The following FCHSD2 variants were observed in gnomAD, a reference collection of about 807,000 sequenced individuals.
FCHSD2 encodes the protein F-BAR and double SH3 domains protein 2.
FCHSD2 carries 38 observed loss-of-function variants against 108.1 expected under a neutral mutation model. The observed-to-expected ratio is 0.35, with a 90% confidence interval of 0.27 to 0.46. The LOEUF (loss-of-function observed/expected upper bound fraction) is 0.46, where lower values mean the gene tolerates loss of function less well. Among genes scored for constraint, FCHSD2 ranks in the 20% least tolerant of loss-of-function variants. The pLI is 1.00. For missense variants in FCHSD2, 751 were observed against 897.8 expected (o/e 0.84, Z 2.09); for synonymous variants, 279 against 314.7 (o/e 0.89, Z 1.20).
At chr11:72,947,717 A>C (rs1015611457) in intron 8 of FCHSD2, among the ~76,000 whole-genome samples, 19 of 125,580 alleles carry the variant, frequency 1.5e-4, no homozygotes, top group Middle Eastern at 7.4e-3. Flanking sequence ...AGTGTGATAA[A>C]ATCATTAGTT....
intron 8 of FCHSD2, among the ~76,000 whole-genome samples, chr11:72,983,294 A>G (rs1453286759): frequency 7.7e-6 from 1 of 130,280 alleles, no homozygotes; most frequent in Non-Finnish European, 1.6e-5. Flanking sequence ...ACTCCGTCTC[A>G]AAAAAAAAAA....
chr11:73,140,851 C>CG (rs1861229476), intron 1 of FCHSD2, among the ~76,000 whole-genome samples: 1 of 152,196 alleles, frequency 6.6e-6, no homozygotes, highest in Non-Finnish European at 1.5e-5. Context: ...TCGAAGTTAA[C>CG]GGTCAGTCTG....
chr11:72,931,963 A>AT (rs1591409630), intron 8 of FCHSD2, among the ~76,000 whole-genome samples: 1 of 152,182 alleles, frequency 6.6e-6, no homozygotes, highest in East Asian at 1.9e-4. Context: ...TTGACCAGAC[A>AT]CTACTTCCCT....
Position 73,140,098 on chromosome 11 carries a change from G to C in FCHSD2, c.52C>G (p.Gln18Glu). Residue 18 changes from glutamine (Q) to glutamate (E), a missense_variant, in exon 2 of 20, where the codon CAA (glutamine) becomes GAA (glutamate). Physicochemically the swap from Gln to Glu is conservative, Grantham distance 29. Transcript: ENST00000409418. ...TGAAGTTTTGTCATCTGCTCAACTT[G>C]AATGTTTTTCAGTTCTTGTGTAACT... is the stretch of plus-strand genomic sequence containing the variant. ...VKVTQELKNI[Q>E]VEQMTKLQAK... is the part of the protein sequence containing the mutation. 3 of 1,545,202 alleles carry C rather than the reference G, an allele frequency of 1.9e-6. No individual in the cohort carries two copies. Among genetic ancestry groups the C allele is most frequent in the Non-Finnish European group, 1.7e-6 (2 of 1,143,822 alleles).
At chr11:73,107,318 G>A (rs1178949901) in intron 2 of FCHSD2, among the ~76,000 whole-genome samples, 2 of 152,156 alleles carry the variant, frequency 1.3e-5, no homozygotes, top group African/African-American at 4.8e-5. Flanking sequence ...AAAGTGCTGA[G>A]ATTACAGGCA....
At chr11:73,039,083 T>A (rs1365572659) in intron 3 of FCHSD2, among the ~76,000 whole-genome samples, 1 of 152,242 alleles carries the variant, frequency 6.6e-6, no homozygotes, top group Non-Finnish European at 1.5e-5. Flanking sequence ...AGAATCACTG[T>A]TTATTTTTAT....
At chr11:73,130,518 G>A (rs550121365) in intron 2 of FCHSD2, among the ~76,000 whole-genome samples, 3 of 152,302 alleles carry the variant, frequency 2.0e-5, no homozygotes, top group East Asian at 3.9e-4. Context: ...ATCTTCACCT[G>A]CCTTGGGCTG....
chr11:73,104,574 C>T (rs1450974653), intron 2 of FCHSD2, among the ~76,000 whole-genome samples: 1 of 150,724 alleles, frequency 6.6e-6, no homozygotes, highest in Non-Finnish European at 1.5e-5. Flanking sequence ...ACTTTACTTA[C>T]TTATTTATTT....
intron 13 of FCHSD2, among the ~76,000 whole-genome samples, chr11:72,853,221 G>C (rs1388236968): frequency 1.3e-5 from 2 of 152,102 alleles, no homozygotes; most frequent in Non-Finnish European, 2.9e-5. Flanking sequence ...TTTCAACAAG[G>C]ATGCCAAGAC....
At chr11:73,093,495 C>T (rs961794684) in intron 2 of FCHSD2, among the ~76,000 whole-genome samples, 1 of 152,154 alleles carries the variant, frequency 6.6e-6, no homozygotes, top group African/African-American at 2.4e-5. Context: ...GAATTGAGAG[C>T]TGTCTTAGAA....
chr11:72,934,526 G>C (rs1856262227), intron 8 of FCHSD2, among the ~76,000 whole-genome samples: 1 of 151,960 alleles, frequency 6.6e-6, no homozygotes. Flanking sequence ...TAGAGACAAG[G>C]TTTCACTATG....
rs202185212 is a variant in FCHSD2 at position 72,902,658 on chromosome 11, T to C, written c.829-20A>G. On this transcript the variant is annotated intron_variant, in intron 9 of 19. Coordinates refer to ENST00000409418, the MANE Select transcript of FCHSD2 (RefSeq NM_014824.3). ...GACCACCTAAAGAGAAAATAAAATATCTTTAGGTCTTTAATGAGGTTAAAA... is the reference window on the plus strand; with the variant it reads ...GACCACCTAAAGAGAAAATAAAATACCTTTAGGTCTTTAATGAGGTTAAAA... 46 of 1,447,002 alleles carry C rather than the reference T, an allele frequency of 3.2e-5. No homozygotes were observed. In the South Asian group the frequency reaches 4.1e-4, roughly 13 times the overall value. The allele number at this position is 1,447,002 out of a possible 1,614,324, so 89.6% of individuals were successfully genotyped here.
At position 72,985,384 on chromosome 11, in the gene FCHSD2, A is replaced by C. The variant is rs974176413; in HGVS notation, c.522-268T>G. On this transcript the variant is annotated intron_variant, in intron 6 of 19. Coordinates refer to ENST00000409418, the MANE Select transcript of FCHSD2 (RefSeq NM_014824.3). Reference sequence around the variant, plus strand: ...AAAAAAAAAAAAAAAAAACTTGACCAAAAAAAAATCAAAATATATTGGTGT... The same window carrying C: ...AAAAAAAAAAAAAAAAAACTTGACCCAAAAAAAATCAAAATATATTGGTGT... Among the ~76,000 whole-genome samples, 7 of 149,032 alleles carry C rather than the reference A, an allele frequency of 4.7e-5. No homozygotes were observed. In the East Asian group the frequency reaches 1.4e-3, roughly 29 times the overall value.
chr11:72,924,401 C>G (rs1856034619), intron 8 of FCHSD2, among the ~76,000 whole-genome samples: 1 of 151,720 alleles, frequency 6.6e-6, no homozygotes. Context: ...CCGCAGCCTC[C>G]CGAGTAGCTG....
At chr11:72,894,198 C>A (rs1855373863) in intron 10 of FCHSD2, among the ~76,000 whole-genome samples, 2 of 152,158 alleles carry the variant, frequency 1.3e-5, no homozygotes, top group African/African-American at 4.8e-5. Context: ...TTCTAGTTAA[C>A]CCTCATTCAG....
intron 3 of FCHSD2, among the ~76,000 whole-genome samples, chr11:73,080,702 C>T (rs890258497): frequency 1.3e-5 from 2 of 151,932 alleles, no homozygotes; most frequent in South Asian, 2.1e-4. Context: ...TCAGCACTTT[C>T]GGAGGCTGAG....
chr11:72,930,289 G>A (rs1856163033), intron 8 of FCHSD2, among the ~76,000 whole-genome samples: 2 of 152,132 alleles, frequency 1.3e-5, no homozygotes, highest in Admixed American at 1.3e-4. Context: ...ACTACCCACT[G>A]CTGTCACCAA....
At chr11:72,907,602 T>TTC (rs1555052091) in intron 9 of FCHSD2, among the ~76,000 whole-genome samples, 5 of 145,690 alleles carry the variant, frequency 3.4e-5, no homozygotes, top group East Asian at 2.0e-4. Flanking sequence ...CACGTGGGTT[T>TTC]TTTTTTTTTT....
intron 2 of FCHSD2, among the ~76,000 whole-genome samples, chr11:73,125,323 T>C (rs998377126): frequency 1.1e-4 from 16 of 152,250 alleles, no homozygotes; most frequent in Admixed American, 9.8e-4. Context: ...GCACAAAGTC[T>C]GGGATGGAAT....
Sources: allele counts gnomAD v4.1 joint callset (sites outside exome capture counted in the v4.1 genomes callset), GRCh38; gene constraint gnomAD v4.1.1; transcripts MANE v1.5; gene names NCBI Gene and HGNC (gene_info 2026-07-23, HGNC 2026-07-21).